The following GDA variants were observed in gnomAD, a reference collection of about 807,000 sequenced individuals.
The protein encoded by GDA is guanine deaminase, also known as cytoplasmic PSD-95 interactor.
Under a neutral mutation model 59.6 loss-of-function variants are expected in GDA, and 18 were observed. That is an observed-to-expected ratio of 0.30 (90% CI 0.21 to 0.45). GDA has a LOEUF of 0.45. GDA is among the 20% of genes least tolerant of loss of function. GDA has a pLI of 1.00. For missense variants in GDA, 427 were observed against 552.3 expected (o/e 0.77, Z 2.27); for synonymous variants, 201 against 201.1 (o/e 1.00, Z 0.00).
At chr9:72,247,792 A>T (rs1180923550) in intron 13 of GDA, among the ~76,000 whole-genome samples, 1 of 152,166 alleles carries the variant, frequency 6.6e-6, no homozygotes, top group East Asian at 1.9e-4. Flanking sequence ...CGTGCTGGTG[A>T]TGTACTCACA....
chr9:72,228,290 A>G lies in GDA; in HGVS notation c.920+250A>G, dbSNP rs746791795. ...CTCTGAGTTTGTACAAAAAAAGGAC[A>G]ATAGGGAATACAACATAAAAAATTT... is the stretch of plus-strand genomic sequence containing the variant. On this transcript the variant is annotated intron_variant, in intron 9 of 13. Coordinates refer to ENST00000358399, the MANE Select transcript of GDA (RefSeq NM_004293.5). The G allele has an allele frequency of 8.9e-4, 379 of 424,642 alleles. 5 individuals are homozygous for G. Among genetic ancestry groups the G allele is most frequent in the Non-Finnish European group, 1.6e-4 (38 of 233,646 alleles). The allele number at this position is 424,642 out of a possible 1,614,324, so 26.3% of individuals were successfully genotyped here.
Position 72,149,613 on chromosome 9 carries a change from C to T in GDA, c.54C>T (p.Val18=). The change falls in exon 1 of 14, where the codon GTC becomes GTT. Residue 18 remains valine (V), a synonymous_variant. Transcript: ENST00000358399. Reference sequence around the variant, plus strand: ...CGCACATCTTCCGAGGGACGTTCGTCCACTCCACCTGGACCTGCCCCATGG... The same window carrying T: ...CGCACATCTTCCGAGGGACGTTCGTTCACTCCACCTGGACCTGCCCCATGG... The part of the protein sequence containing the change: ...PLAHIFRGTF[V]HSTWTCPMEV... 6.2e-7 allele frequency: 1 copy of T among 1,611,664 alleles called. No homozygotes were observed. Among genetic ancestry groups the T allele is most frequent in the Non-Finnish European group, 8.5e-7 (1 of 1,179,144 alleles).
intron 1 of GDA, among the ~76,000 whole-genome samples, chr9:72,127,169 G>A (rs1825875676): frequency 6.6e-6 from 1 of 151,740 alleles, no homozygotes; most frequent in Non-Finnish European, 1.5e-5. Flanking sequence ...TATATGTAAT[G>A]GACTACTAAA....
chr9:72,167,531 A>G lies in GDA; in HGVS notation c.123+17849A>G, dbSNP rs540149885. Among the ~76,000 whole-genome samples the G allele has an allele frequency of 1.3e-4, 20 of 152,320 alleles. No homozygotes were observed. The East Asian group carries it at 2.3e-3, about 18-fold the overall frequency. ...GAAATGCTGCATTTCTGAACATGGC[A>G]AAAAGTGGTCTAAGAAGCATAGCTT... is the stretch of plus-strand genomic sequence containing the variant. On this transcript the variant is annotated intron_variant, in intron 1 of 13. Transcript: ENST00000358399.
intron 1 of GDA, chr9:72,194,088 G>T (rs1832871611): frequency 6.6e-6 from 1 of 152,284 alleles, no homozygotes; most frequent in Non-Finnish European, 1.5e-5. Flanking sequence ...TAAGAGCCAA[G>T]TTCTGGAACT....
chr9:72,216,698 C>T lies in GDA; in HGVS notation c.578+2707C>T, dbSNP rs541426980. On this transcript the variant is annotated intron_variant, in intron 5 of 13. Coordinates refer to ENST00000358399, the MANE Select transcript of GDA (RefSeq NM_004293.5). ...AAAACTATTTTTTTTTTTTTTGAGACGGAATCTTGCTTTGTTGCCCAGGCT... is the reference window on the plus strand; with the variant it reads ...AAAACTATTTTTTTTTTTTTTGAGATGGAATCTTGCTTTGTTGCCCAGGCT... Among the ~76,000 whole-genome samples the T allele has an allele frequency of 1.4e-3, 211 of 150,146 alleles. 2 individuals carry two copies. Among genetic ancestry groups the T allele is most frequent in the African/African-American group, 4.7e-3 (192 of 40,792 alleles).
rs192376252 is a variant in GDA, at chr9:72,115,689, T to C, written c.-100+856T>C. Among the ~76,000 whole-genome samples the C allele has an allele frequency of 3.9e-5, 6 of 152,330 alleles. No individual in the cohort carries two copies. The East Asian group carries it at 1.2e-3, about 29-fold the overall frequency. On this transcript the variant is annotated intron_variant, in intron 1 of 13. Coordinates refer to the GDA transcript ENST00000545168. Reference sequence around the variant, plus strand: ...GCCTTATTGGTTAAGATCCCTAACTTATACTTAAAAAGTAATACCACAAAA... The same window carrying C: ...GCCTTATTGGTTAAGATCCCTAACTCATACTTAAAAAGTAATACCACAAAA...
chr9:72,196,875 A>G (rs1833261381), intron 2 of GDA, among the ~76,000 whole-genome samples: 2 of 152,074 alleles, frequency 1.3e-5, no homozygotes, highest in East Asian at 3.9e-4. Context: ...AGTTTGCTGA[A>G]AGTCATGGCT....
chr9:72,206,736 C>T (rs1021296051), intron 3 of GDA, among the ~76,000 whole-genome samples: 2 of 152,216 alleles, frequency 1.3e-5, no homozygotes, highest in Non-Finnish European at 2.9e-5. Flanking sequence ...TGCACCATTG[C>T]ACTCTAGTCT....
intron 1 of GDA, among the ~76,000 whole-genome samples, chr9:72,165,566 G>A (rs1587431616): frequency 6.6e-6 from 1 of 152,158 alleles, no homozygotes; most frequent in Non-Finnish European, 1.5e-5. Context: ...TGAGGTATGT[G>A]TAGGGAATGG....
intron 5 of GDA, among the ~76,000 whole-genome samples, chr9:72,214,392 T>C (rs1023152782): frequency 1.3e-5 from 2 of 151,390 alleles, no homozygotes; most frequent in East Asian, 2.0e-4. Flanking sequence ...GCCTCCTGGG[T>C]TCAAGCGATT....
intron 1 of GDA, among the ~76,000 whole-genome samples, chr9:72,194,371 C>T (rs1832905007): frequency 6.6e-6 from 1 of 152,102 alleles, no homozygotes; most frequent in African/African-American, 2.4e-5. Context: ...GCATCAGGTT[C>T]CCTTTTGGCC....
intron 2 of GDA, among the ~76,000 whole-genome samples, chr9:72,196,097 A>G (rs1341450011): frequency 6.6e-6 from 1 of 152,126 alleles, no homozygotes; most frequent in African/African-American, 2.4e-5. Context: ...GAGCTGTGAT[A>G]TTATATTTCA....
chr9:72,198,865 T>A (rs1178676769), intron 2 of GDA, among the ~76,000 whole-genome samples: 2 of 85,646 alleles, frequency 2.3e-5, no homozygotes, highest in East Asian at 5.5e-4. Context: ...ATATATAAAA[T>A]TTTTTTTGCT....
At chr9:72,246,601 T>C (rs544260710) in intron 12 of GDA, among the ~76,000 whole-genome samples, 1 of 152,146 alleles carries the variant, frequency 6.6e-6, no homozygotes, top group South Asian at 2.1e-4. Context: ...CCAGTGGTAA[T>C]AAGCTAGAGA....
At chr9:72,232,152 AT>A (rs1342134315) in intron 10 of GDA, among the ~76,000 whole-genome samples, 2 of 152,162 alleles carry the variant, frequency 1.3e-5, no homozygotes, top group Admixed American at 1.3e-4. Context: ...TGAATTAAAA[AT>A]TTTTTTAATG....
At position 72,230,501 on chromosome 9, in the gene GDA, A is replaced by AAT. The variant is rs58535811; in HGVS notation, c.921-594_921-593dup. On this transcript the variant is annotated intron_variant, in intron 9 of 13. Coordinates refer to ENST00000358399, the MANE Select transcript of GDA (RefSeq NM_004293.5). Reference sequence around the variant, plus strand: ...GACAGACTCTGTCTCAAAAAAAAAAAATATATATATATATATATATGGCTG... The same window carrying AAT: ...GACAGACTCTGTCTCAAAAAAAAAAAATATATATATATATATATATATGGCTG... Among the ~76,000 whole-genome samples the AAT allele has an allele frequency of 6.8e-3, 973 of 143,976 alleles. 9 individuals carry two copies. Among genetic ancestry groups the AAT allele is most frequent in the South Asian group, 0.019 (86 of 4,544 alleles). The allele number at this position is 143,976 out of a possible 152,430, so 94.5% of individuals were successfully genotyped here.
intron 1 of GDA, among the ~76,000 whole-genome samples, chr9:72,125,966 GA>G (rs1825832103): frequency 1.3e-5 from 2 of 152,144 alleles, no homozygotes; most frequent in Non-Finnish European, 2.9e-5. Flanking sequence ...GCCCAGGCTG[GA>G]GTGCAGTGCC....
intron 11 of GDA, among the ~76,000 whole-genome samples, chr9:72,242,980 C>A (rs961097525): frequency 1.3e-5 from 2 of 152,112 alleles, no homozygotes. Flanking sequence ...TGCTGTGTAG[C>A]TTTTAAATCT....
Sources: allele counts gnomAD v4.1 joint callset (sites outside exome capture counted in the v4.1 genomes callset), GRCh38; gene constraint gnomAD v4.1.1; transcripts MANE v1.5; gene names NCBI Gene and HGNC (gene_info 2026-07-23, HGNC 2026-07-21).